The following RABGAP1L variants were observed in gnomAD, a reference collection of about 807,000 sequenced individuals.
RABGAP1L encodes RAB GTPase activating protein 1 like, also known as rab GTPase-activating protein 1-like.
Under a neutral mutation model 137.7 loss-of-function variants are expected in RABGAP1L, and 63 were observed. The ratio of observed to expected loss-of-function variants is 0.46; its 90% CI spans 0.37 to 0.56. RABGAP1L has a LOEUF of 0.56. Among genes scored for constraint, RABGAP1L ranks in the 20% least tolerant of loss-of-function variants. The pLI is 0.00. For synonymous variants in RABGAP1L, 431 were observed against 433.7 expected (o/e 0.99, Z 0.08); for missense variants, 1,095 against 1,244.0 (o/e 0.88, Z 1.80).
chr1:174,301,371 A>C (rs533139242), intron 10 of RABGAP1L, among the ~76,000 whole-genome samples: 5 of 148,640 alleles, frequency 3.4e-5, no homozygotes, highest in Non-Finnish European at 6.0e-5. Context: ...GCCATCTGGA[A>C]TGGATGGCGG....
At chr1:174,985,623 T>G (rs964633546) in intron 24 of RABGAP1L, among the ~76,000 whole-genome samples, 2 of 152,180 alleles carry the variant, frequency 1.3e-5, no homozygotes, top group Non-Finnish European at 2.9e-5. Context: ...CAGTTTCCTG[T>G]AATAACCTTC....
chr1:174,198,977 G>A (rs1054861016), intron 1 of RABGAP1L, among the ~76,000 whole-genome samples: 1 of 152,090 alleles, frequency 6.6e-6, no homozygotes, highest in African/African-American at 2.4e-5. Context: ...GCGTGGTGGC[G>A]CATGCCTGTA....
In RABGAP1L at chr1:174,646,913, A is replaced by G. The variant is rs530125087; in HGVS notation, c.1824+9425A>G. ...GAGCAGTGGTTTGTAGTTCTCCTTGAAAAGGGCCTCCACATCCCTTGTAAA... is the reference window on the plus strand; with the variant it reads ...GAGCAGTGGTTTGTAGTTCTCCTTGGAAAGGGCCTCCACATCCCTTGTAAA... On this transcript the variant is annotated intron_variant, in intron 14 of 25. Transcript: ENST00000681986. 7.2e-4 allele frequency among the ~76,000 whole-genome samples: 109 copies of G among 152,200 alleles called. 1 individual carries two copies. The highest frequency in any genetic ancestry group is 2.6e-3 in the African/African-American group (108 of 41,502).
chr1:174,909,100 A>G (rs370433498), intron 19 of RABGAP1L, among the ~76,000 whole-genome samples: 10 of 149,298 alleles, frequency 6.7e-5, no homozygotes, highest in East Asian at 4.0e-4. Flanking sequence ...AATCTCTTAA[A>G]CCCAGGAAGC....
intron 12 of RABGAP1L, among the ~76,000 whole-genome samples, chr1:174,385,532 G>A (rs927042636): frequency 6.6e-6 from 1 of 152,130 alleles, no homozygotes; most frequent in African/African-American, 2.4e-5. Flanking sequence ...GAATGAAATG[G>A]GCGAGATTAC....
chr1:174,413,461 G>T (rs1650180428), intron 13 of RABGAP1L, among the ~76,000 whole-genome samples: 2 of 152,056 alleles, frequency 1.3e-5, no homozygotes, highest in South Asian at 4.1e-4. Flanking sequence ...TTCCATTTTA[G>T]TTGGGGACCA....
intron 1 of RABGAP1L, among the ~76,000 whole-genome samples, chr1:174,191,069 C>A (rs1667180406): frequency 6.6e-6 from 1 of 151,998 alleles, no homozygotes; most frequent in Non-Finnish European, 1.5e-5. Flanking sequence ...AATAGTAATA[C>A]CAAAGATCGC....
At chr1:174,954,829 T>G (rs776692488) in intron 19 of RABGAP1L, among the ~76,000 whole-genome samples, 3 of 152,198 alleles carry the variant, frequency 2.0e-5, no homozygotes, top group Non-Finnish European at 2.9e-5. Flanking sequence ...TGGAGACACC[T>G]TGTTACTGCT....
intron 18 of RABGAP1L, among the ~76,000 whole-genome samples, chr1:174,790,591 G>A (rs781428085): frequency 2.6e-5 from 4 of 151,036 alleles, no homozygotes; most frequent in Non-Finnish European, 4.4e-5. Flanking sequence ...CCAAGATTGC[G>A]CTATTGCACT....
rs139909104 is a variant in RABGAP1L, at chr1:174,583,730, G to T, written c.1711-53645G>T. ...GTAACATCAGAATGCTCTAGGAGTT[G>T]CCCAGTTTCCAGATACTAGACTTAT... On this transcript the variant is annotated intron_variant, in intron 13 of 25. Coordinates refer to ENST00000681986, the MANE Select transcript of RABGAP1L (RefSeq NM_001366446.1). 1.2e-3 allele frequency among the ~76,000 whole-genome samples: 177 copies of T among 152,282 alleles called. 1 individual carries two copies. The highest frequency in any genetic ancestry group is 4.2e-3 in the African/African-American group (173 of 41,560).
At chr1:174,584,956 C>T (rs1404260880) in intron 13 of RABGAP1L, among the ~76,000 whole-genome samples, 1 of 151,854 alleles carries the variant, frequency 6.6e-6, no homozygotes, top group African/African-American at 2.4e-5. Context: ...TAACCACTAG[C>T]CACATGTATT....
Position 174,686,648 on chromosome 1 carries a change from C to CTTTTTTTTTTTTTTTTTTTTTT in RABGAP1L, c.1899+3058_1899+3079dup, listed in dbSNP as rs533716511. Among the ~76,000 whole-genome samples the CTTTTTTTTTTTTTTTTTTTTTT allele has an allele frequency of 1.1e-4, 12 of 105,770 alleles. 2 individuals are homozygous for CTTTTTTTTTTTTTTTTTTTTTT. The highest frequency in any genetic ancestry group is 8.4e-5 in the Non-Finnish European group (4 of 47,678). 69.4% of individuals were successfully genotyped at this position (105,770 alleles called of 152,430 possible). A position where few individuals can be genotyped will look rare whatever the true frequency, so the allele number is the denominator to read the frequency against. On this transcript the variant is annotated intron_variant, in intron 15 of 25. Transcript: ENST00000681986. ...GAAGCTTTGGTTTGAACAAAGCAAT[C>CTTTTTTTTTTTTTTTTTTTTTT]TTTTTTTTTTTTTTTTTTTTTTTTT...
chr1:174,846,486 C>T (rs1694062548), intron 19 of RABGAP1L, among the ~76,000 whole-genome samples: 1 of 141,144 alleles, frequency 7.1e-6, no homozygotes, highest in African/African-American at 2.5e-5. Flanking sequence ...CGTTACGTAC[C>T]CAGTAGTCAT....
At chr1:174,705,557 A>G (rs1340639215) in intron 17 of RABGAP1L, 3 of 152,238 alleles carry the variant, frequency 2.0e-5, no homozygotes, top group Non-Finnish European at 2.9e-5. Flanking sequence ...TTTTCAAAAC[A>G]TAGATTGTAA....
intron 21 of RABGAP1L, 34 bp from the exon 22 acceptor site, chr1:174,976,044 G>A: frequency 6.3e-6 from 6 of 946,922 alleles, no homozygotes; most frequent in Non-Finnish European, 7.6e-6. Context: ...CTGTATGACT[G>A]TGATGTATGA....
chr1:174,709,839 A>G (rs775114178), intron 17 of RABGAP1L, among the ~76,000 whole-genome samples: 12 of 152,240 alleles, frequency 7.9e-5, no homozygotes, highest in Non-Finnish European at 1.5e-4. Context: ...TCGAATTGAC[A>G]TAAGTAGGCT....
At chr1:174,239,257 C>T (rs1000911098) in intron 4 of RABGAP1L, among the ~76,000 whole-genome samples, 3 of 152,160 alleles carry the variant, frequency 2.0e-5, no homozygotes, top group Non-Finnish European at 2.9e-5. Flanking sequence ...AGCTGTAGAC[C>T]GGAGCTGTTC....
intron 13 of RABGAP1L, among the ~76,000 whole-genome samples, chr1:174,512,593 G>A (rs1412960531): frequency 6.6e-6 from 1 of 152,092 alleles, no homozygotes; most frequent in East Asian, 1.9e-4. Context: ...GTATAAAAAG[G>A]CATGTTTCAA....
At chr1:174,214,614 G>A (rs1189036425) in intron 1 of RABGAP1L, among the ~76,000 whole-genome samples, 3 of 152,042 alleles carry the variant, frequency 2.0e-5, no homozygotes, top group Non-Finnish European at 4.4e-5. Context: ...AACCAAAACA[G>A]CAAAAACCAG....
Sources: allele counts gnomAD v4.1 joint callset (sites outside exome capture counted in the v4.1 genomes callset), GRCh38; gene constraint gnomAD v4.1.1; transcripts MANE v1.5; gene names NCBI Gene and HGNC (gene_info 2026-07-23, HGNC 2026-07-21).